The following SATL1 variants were observed in gnomAD, a reference collection of about 807,000 sequenced individuals.
SATL1 encodes spermidine/spermine N(1)-acetyltransferase-like protein 1.
Under a neutral mutation model 51.8 loss-of-function variants are expected in SATL1, and 47 were observed. The observed-to-expected ratio is 0.91, with a 90% CI of 0.72 to 1.16. The LOEUF is 1.16. Ranked by LOEUF, SATL1 falls within the 50% of genes most tolerant of loss-of-function variation. The pLI is 0.00. For synonymous variants in SATL1, 176 were observed against 182.4 expected, an observed-to-expected ratio of 0.97 and a Z score of 0.28; for missense variants, 520 against 526.4, an observed-to-expected ratio of 0.99 and a Z score of 0.12.
intron 2 of SATL1, among the ~76,000 whole-genome samples, chrX:85,135,696 G>A (rs1027781652): frequency 3.1e-5 from 3 of 95,778 alleles, no homozygotes; most frequent in African/African-American, 8.2e-5. Context: ...CTCAACCCCC[G>A]CACCTGAAGT....
chrX:85,131,214 G>C (rs978334694), intron 2 of SATL1, among the ~76,000 whole-genome samples: 7 of 111,484 alleles, frequency 6.3e-5, no homozygotes, highest in African/African-American at 2.3e-4. Context: ...TTAACTTTTT[G>C]TCTAGTTGAT....
intron 2 of SATL1, among the ~76,000 whole-genome samples, chrX:85,153,292 G>T (rs1313778809): frequency 9.0e-6 from 1 of 111,566 alleles, no homozygotes; most frequent in Non-Finnish European, 1.9e-5. Flanking sequence ...TGCTGTAGGA[G>T]TAGGTGCGAG....
chrX:85,233,377 C>T (rs772351910), intron 1 of SATL1, among the ~76,000 whole-genome samples: 2 of 112,326 alleles, frequency 1.8e-5, no homozygotes, highest in South Asian at 7.4e-4. Context: ...TCAGTGACCA[C>T]ACACCAATGA....
At chrX:85,161,246 C>T (rs750866681) in intron 2 of SATL1, among the ~76,000 whole-genome samples, 1 of 111,077 alleles carries the variant, frequency 9.0e-6, no homozygotes, top group East Asian at 2.8e-4. Context: ...AGGAACCACA[C>T]GAACAAGTCT....
intron 1 of SATL1, among the ~76,000 whole-genome samples, chrX:85,232,237 A>G (rs1928395754): frequency 9.1e-6 from 1 of 109,761 alleles, no homozygotes; most frequent in Non-Finnish European, 1.9e-5. Context: ...AAGATGAATC[A>G]TCTGCTGAAT....
chrX:85,155,455 A>G (rs777053322), intron 2 of SATL1, among the ~76,000 whole-genome samples: 21 of 111,681 alleles, frequency 1.9e-4, no homozygotes, highest in African/African-American at 6.5e-4. Context: ...ACTTCCCTAT[A>G]CTTGTGAGAT....
intron 2 of SATL1, among the ~76,000 whole-genome samples, chrX:85,205,219 G>A (rs1266673740): frequency 2.7e-5 from 3 of 112,034 alleles, no homozygotes; most frequent in Non-Finnish European, 5.6e-5. Flanking sequence ...GCATAAAAAT[G>A]CACTCATCAC....
chrX:85,169,454 G>T (rs961585612), intron 2 of SATL1, among the ~76,000 whole-genome samples: 6 of 110,903 alleles, frequency 5.4e-5, no homozygotes, highest in Non-Finnish European at 1.1e-4. Context: ...ATTAAAAAGT[G>T]GGCAAAAGAC....
intron 2 of SATL1, among the ~76,000 whole-genome samples, chrX:85,187,917 A>C (rs1370835131): frequency 1.8e-5 from 2 of 110,350 alleles, no homozygotes; most frequent in African/African-American, 6.6e-5. Flanking sequence ...TTTCTCTTTA[A>C]TGTTTTTTTT....
intron 4 of SATL1, among the ~76,000 whole-genome samples, chrX:85,098,808 T>C (rs1349862443): frequency 9.0e-6 from 1 of 111,406 alleles, no homozygotes; most frequent in Non-Finnish European, 1.9e-5. Context: ...GAAGTGAAAG[T>C]AGTGCTCAGA....
At chrX:85,159,771 G>T (rs768074609) in intron 2 of SATL1, among the ~76,000 whole-genome samples, 71 of 111,170 alleles carry the variant, frequency 6.4e-4, no homozygotes, top group African/African-American at 2.3e-3. Context: ...CTCTGTGAAT[G>T]CCCACATGGA....
At chrX:85,166,003 A>C (rs1926826439) in intron 2 of SATL1, among the ~76,000 whole-genome samples, 1 of 111,539 alleles carries the variant, frequency 9.0e-6, no homozygotes, top group Non-Finnish European at 1.9e-5. Context: ...CTTCAACAAG[A>C]CATACAAAAA....
At chrX:85,146,905 T>A (rs1157150827) in intron 2 of SATL1, among the ~76,000 whole-genome samples, 2 of 112,174 alleles carry the variant, frequency 1.8e-5, no homozygotes, top group African/African-American at 6.5e-5. Flanking sequence ...AGAAGATGGG[T>A]GATTTCTGCA....
At chrX:85,176,533 GAAGA>G (rs1349237773) in intron 2 of SATL1, among the ~76,000 whole-genome samples, 1 of 111,669 alleles carries the variant, frequency 9.0e-6, no homozygotes, top group Admixed American at 9.6e-5. Flanking sequence ...CTTTACAAAA[GAAGA>G]ATAGTTATCT....
intron 2 of SATL1, among the ~76,000 whole-genome samples, chrX:85,221,784 T>C (rs759594721): frequency 1.8e-5 from 2 of 112,287 alleles, no homozygotes; most frequent in African/African-American, 6.5e-5. Flanking sequence ...AAGCTTCCAG[T>C]TGTTGAAAGA....
intron 2 of SATL1, among the ~76,000 whole-genome samples, chrX:85,131,795 C>G (rs1267951634): frequency 1.8e-5 from 2 of 111,388 alleles, no homozygotes; most frequent in Admixed American, 1.9e-4. Flanking sequence ...ACCAGTTGTT[C>G]CTTTCCATGT....
chrX:85,197,622 C>T (rs996763050), intron 2 of SATL1, among the ~76,000 whole-genome samples: 1 of 108,218 alleles, frequency 9.2e-6, no homozygotes, highest in African/African-American at 3.4e-5. Flanking sequence ...GCATTAGGTA[C>T]ATCTCCTAAT....
intron 2 of SATL1, among the ~76,000 whole-genome samples, chrX:85,163,458 T>G (rs1311864011): frequency 2.7e-5 from 3 of 111,240 alleles, no homozygotes; most frequent in Non-Finnish European, 5.7e-5. Flanking sequence ...TTTGATAGGT[T>G]GTGTCATTAT....
chrX:85,170,163 A>G (rs1353988186), intron 2 of SATL1, among the ~76,000 whole-genome samples: 1 of 111,223 alleles, frequency 9.0e-6, no homozygotes, highest in Non-Finnish European at 1.9e-5. Context: ...ATCAGAAAAA[A>G]TAACTAACGG....
Sources: gnomAD v4.1 joint callset for allele counts (sites outside exome capture counted in the v4.1 genomes callset) on GRCh38, gnomAD v4.1.1 for gene constraint, MANE v1.5 for transcripts, NCBI Gene and HGNC (gene_info 2026-07-23, HGNC 2026-07-21) for gene names.